The following SGCG variants were observed in gnomAD, a reference collection of about 807,000 sequenced individuals.
SGCG encodes the protein sarcoglycan gamma.
In SGCG, 26 loss-of-function variants were observed where a neutral mutation model predicts 29.3. The observed-to-expected ratio is 0.89, with a 90% CI of 0.65 to 1.23. SGCG has a LOEUF of 1.23. Among genes scored for constraint, SGCG ranks in the 50% most tolerant of loss-of-function variants. The pLI is 0.00. For missense variants in SGCG, 353 were observed against 356.0 expected, an observed-to-expected ratio of 0.99 and a Z score of 0.07; for synonymous variants, 145 against 129.7, an observed-to-expected ratio of 1.12 and a Z score of -0.80.
intron 1 of SGCG, among the ~76,000 whole-genome samples, chr13:23,185,055 T>C (rs1876915596): frequency 6.6e-6 from 1 of 152,204 alleles, no homozygotes; most frequent in Non-Finnish European, 1.5e-5. Flanking sequence ...TGTTTAAGGT[T>C]GTGGTTTTTG....
At chr13:23,236,530 C>T (rs11148703) in intron 3 of SGCG, among the ~76,000 whole-genome samples, 22,872 of 151,584 alleles carry the variant, frequency 0.15, 1,764 homozygotes, top group East Asian at 0.29. Flanking sequence ...ACAAAAAAAT[C>T]AGCCGGGCGT....
Position 23,220,027 on chromosome 13 carries a change from G to A in SGCG, c.196-14584G>A, listed in dbSNP as rs1349823232. 2.6e-5 allele frequency among the ~76,000 whole-genome samples: 4 copies of A among 151,576 alleles called. No homozygotes were observed. The East Asian group carries it at 7.8e-4, about 30-fold the overall frequency. On this transcript the variant is annotated intron_variant, in intron 2 of 7. Coordinates refer to ENST00000218867, the MANE Select transcript of SGCG (RefSeq NM_000231.3). ...ATTTTTTTTTTCTGTATTTTTAGTA[G>A]AGACATGGTTTCACCATGTTAGCCA...
chr13:23,320,887 A>G, intron 7 of SGCG, 127 bp downstream of exon 7: 1 of 993,112 alleles, frequency 1.0e-6, no homozygotes, highest in Non-Finnish European at 1.6e-6. Flanking sequence ...GTCATAGAGT[A>G]GCAAATGTAC....
At position 23,295,797 on chromosome 13, in the gene SGCG, G is replaced by A. The variant is rs527471569; in HGVS notation, c.578+310G>A. Among the ~76,000 whole-genome samples the A allele has an allele frequency of 9.9e-5, 15 of 152,122 alleles. No homozygotes were observed. The South Asian group carries it at 1.9e-3, about 19-fold the overall frequency. On this transcript the variant is annotated intron_variant, in intron 6 of 7. Transcript: ENST00000218867. Reference sequence around the variant, plus strand: ...TGCAAGCTGGTTAAAATGCTTCATCGCTCCCACATCACATCAGCCATAGGA... The same window carrying A: ...TGCAAGCTGGTTAAAATGCTTCATCACTCCCACATCACATCAGCCATAGGA...
At chr13:23,184,504 T>C (rs1214194797) in intron 1 of SGCG, among the ~76,000 whole-genome samples, 1 of 152,222 alleles carries the variant, frequency 6.6e-6, no homozygotes, top group East Asian at 1.9e-4. Context: ...ACAAACTTCA[T>C]GTGTAATTTT....
At chr13:23,171,837 TCTC>T in the SGCG span, among the ~76,000 whole-genome samples, 1 of 152,168 alleles carries the variant, frequency 6.6e-6, no homozygotes. Flanking sequence ...CAGCCACTCA[TCTC>T]CTGCTGTGCA....
intron 6 of SGCG, among the ~76,000 whole-genome samples, chr13:23,309,409 G>A (rs986089359): frequency 6.6e-5 from 10 of 151,950 alleles, no homozygotes; most frequent in African/African-American, 2.4e-4. Flanking sequence ...ACCCAGCTTA[G>A]TTTTAATATT....
chr13:23,206,604 T>A (rs1047960581), intron 2 of SGCG, among the ~76,000 whole-genome samples: 15 of 152,216 alleles, frequency 9.9e-5, no homozygotes, highest in African/African-American at 3.6e-4. Context: ...CTACTATAAA[T>A]AGTGCTACAA....
At chr13:23,195,654 T>C (rs1375076547) in intron 1 of SGCG, among the ~76,000 whole-genome samples, 1 of 151,578 alleles carries the variant, frequency 6.6e-6, no homozygotes, top group Admixed American at 6.6e-5. Context: ...GAAGAGAGAA[T>C]GATTTGATGA....
At chr13:23,170,668 G>A in the SGCG span, 6 of 152,284 alleles carry the variant, frequency 3.9e-5, no homozygotes, top group Admixed American at 3.9e-4. Context: ...CAGCATGTCT[G>A]TTATGGTGCC....
intron 2 of SGCG, among the ~76,000 whole-genome samples, chr13:23,224,381 G>T (rs575010764): frequency 6.6e-6 from 1 of 151,900 alleles, no homozygotes; most frequent in Admixed American, 6.6e-5. Flanking sequence ...TTCTCCTGCC[G>T]AAGTATGAAT....
At chr13:23,260,297 A>G (rs1259922413) in intron 4 of SGCG, among the ~76,000 whole-genome samples, 2 of 152,176 alleles carry the variant, frequency 1.3e-5, no homozygotes, top group African/African-American at 4.8e-5. Flanking sequence ...ACCATTATGT[A>G]ATGGCCTTCT....
chr13:23,229,725 C>A (rs990049479), intron 2 of SGCG, among the ~76,000 whole-genome samples: 5 of 152,178 alleles, frequency 3.3e-5, no homozygotes, highest in Admixed American at 3.3e-4. Context: ...TTCTCCCATT[C>A]TGTCAGCTGC....
At chr13:23,225,219 A>T (rs1474024056) in intron 2 of SGCG, among the ~76,000 whole-genome samples, 1 of 152,130 alleles carries the variant, frequency 6.6e-6, no homozygotes, top group Non-Finnish European at 1.5e-5. Context: ...TAACACCCAA[A>T]TGTTACCTTC....
At chr13:23,267,913 GC>G in intron 4 of SGCG, 1 of 152,258 alleles carries the variant, frequency 6.6e-6, no homozygotes. Context: ...GGGAGGAGAA[GC>G]TTCAAACGCA....
chr13:23,173,350 G>A, the SGCG span, among the ~76,000 whole-genome samples: 1 of 152,214 alleles, frequency 6.6e-6, no homozygotes, highest in Non-Finnish European at 1.5e-5. Flanking sequence ...GCTCACAGAT[G>A]AGGTGCATAA....
chr13:23,200,933 G>A (rs949066099), intron 1 of SGCG, among the ~76,000 whole-genome samples: 1 of 152,160 alleles, frequency 6.6e-6, no homozygotes, highest in African/African-American at 2.4e-5. Flanking sequence ...ACTGGATGAA[G>A]GCAGAGAACC....
At chr13:23,265,431 G>A (rs1161960131) in intron 4 of SGCG, among the ~76,000 whole-genome samples, 1 of 152,074 alleles carries the variant, frequency 6.6e-6, no homozygotes, top group Non-Finnish European at 1.5e-5. Context: ...ACAAAAGTTA[G>A]CTGGGTGCAG....
chr13:23,252,892 A>G (rs140311323), intron 4 of SGCG, among the ~76,000 whole-genome samples: 8 of 152,174 alleles, frequency 5.3e-5, no homozygotes, highest in Non-Finnish European at 8.8e-5. Flanking sequence ...GCTAGTTAGT[A>G]GAGAAGTCAA....
Sources: allele counts gnomAD v4.1 joint callset (sites outside exome capture counted in the v4.1 genomes callset), GRCh38; gene constraint gnomAD v4.1.1; transcripts MANE v1.5; gene names NCBI Gene and HGNC (gene_info 2026-07-23, HGNC 2026-07-21).